Variants in ZNF560 observed in about 807,000 individuals in gnomAD.
ZNF560 encodes zinc finger protein 560.
A neutral mutation model predicts 81.8 loss-of-function variants in ZNF560; 54 were observed. The ratio of observed to expected loss-of-function variants is 0.66; its 90% CI spans 0.53 to 0.83. The LOEUF is 0.83. ZNF560 is among the 40% of genes least tolerant of loss of function. The pLI is 0.00. For missense variants in ZNF560, 940 were observed against 932.4 expected, an observed-to-expected ratio of 1.01 and a Z score of -0.11; for synonymous variants, 321 against 317.9, an observed-to-expected ratio of 1.01 and a Z score of -0.10.
At chr19:9,446,918 A>C in the ZNF560 span, among the ~76,000 whole-genome samples, 2 of 152,076 alleles carry the variant, frequency 1.3e-5, no homozygotes, top group Non-Finnish European at 2.9e-5. Flanking sequence ...GCAGATCACA[A>C]GGTCAGGAGT....
chr19:9,500,953 G>A, upstream of ZNF560, among the ~76,000 whole-genome samples: 1 of 149,366 alleles, frequency 6.7e-6, no homozygotes, highest in African/African-American at 2.5e-5. Flanking sequence ...TGATTCTGTG[G>A]GATTTTTTGT....
At chr19:9,482,938 T>C (rs2073315991) in intron 2 of ZNF560, among the ~76,000 whole-genome samples, 2 of 152,228 alleles carry the variant, frequency 1.3e-5, no homozygotes, top group Admixed American at 6.5e-5. Flanking sequence ...GTGCCGGGAT[T>C]GCAGATGGAG....
chr19:9,493,878 A>G (rs1311745003), intron 2 of ZNF560, among the ~76,000 whole-genome samples: 1 of 152,044 alleles, frequency 6.6e-6, no homozygotes, highest in Non-Finnish European at 1.5e-5. Flanking sequence ...CACACCTGTA[A>G]TCCCAGCACT....
chr19:9,453,195 T>C, the ZNF560 span, among the ~76,000 whole-genome samples: 4 of 152,130 alleles, frequency 2.6e-5, no homozygotes, highest in Non-Finnish European at 5.9e-5. Flanking sequence ...TGAGAGATAA[T>C]GAGAAAGCAG....
chr19:9,470,602 C>T lies in ZNF560; in HGVS notation c.322-84G>A. Reference sequence around the variant, plus strand: ...AAGAATGAGGAAGGGGGACCCAATCCCTGTACAGGGTACTGAGTGCTCCCA... The same window carrying T: ...AAGAATGAGGAAGGGGGACCCAATCTCTGTACAGGGTACTGAGTGCTCCCA... On this transcript the variant is annotated intron_variant, in intron 6 of 9. Transcript: ENST00000301480. The T allele has an allele frequency of 1.9e-6, 3 of 1,600,704 alleles. No individual in the cohort carries two copies. In the South Asian group the frequency reaches 3.3e-5, roughly 18 times the overall value.
At chr19:9,481,082 GAAAA>G (rs60806361) in intron 2 of ZNF560, among the ~76,000 whole-genome samples, 5 of 110,022 alleles carry the variant, frequency 4.5e-5, no homozygotes, top group Non-Finnish European at 7.4e-5. Context: ...GAGATTATCT[GAAAA>G]AAAAAAAAAA....
intron 2 of ZNF560, among the ~76,000 whole-genome samples, chr19:9,492,604 A>G (rs929744972): frequency 6.6e-6 from 1 of 152,114 alleles, no homozygotes; most frequent in Non-Finnish European, 1.5e-5. Flanking sequence ...CTCATCACAC[A>G]CCCCATCACT....
At chr19:9,487,223 G>A (rs992600889) in intron 2 of ZNF560, among the ~76,000 whole-genome samples, 3 of 152,302 alleles carry the variant, frequency 2.0e-5, no homozygotes, top group East Asian at 3.9e-4. Flanking sequence ...CACCCTTTCT[G>A]CAGAAAGTAA....
chr19:9,456,063 C>T, the ZNF560 span, among the ~76,000 whole-genome samples: 10 of 152,342 alleles, frequency 6.6e-5, no homozygotes, highest in African/African-American at 1.7e-4. Flanking sequence ...AACCCGATTT[C>T]GAGAAACGCC....
In ZNF560 at chr19:9,466,975, AT is replaced by A; in HGVS notation, c.1971del (p.Lys657AsnfsTer15). 5 of 1,614,096 alleles carry A rather than the reference AT, an allele frequency of 3.1e-6. No homozygotes were observed. Among genetic ancestry groups the A allele is most frequent in the Non-Finnish European group, 3.4e-6 (4 of 1,180,026 alleles). ...LRTHTGYKPY[K>X]CNACEKAYSR... is the part of the protein sequence containing the mutation. ...CTGTAAGCTTTTTCACATGCATTACATTTATAGGGTTTATATCCAGTGTGAG... is the reference window on the plus strand; with the variant it reads ...CTGTAAGCTTTTTCACATGCATTACATTATAGGGTTTATATCCAGTGTGAG... On this transcript the variant is annotated frameshift_variant, in exon 10 of 10. Coordinates refer to ENST00000301480, the MANE Select transcript of ZNF560 (RefSeq NM_152476.3). LOFTEE classifies it high-confidence loss of function.
At chr19:9,506,028 T>C in the ZNF560 span, among the ~76,000 whole-genome samples, 803 of 152,146 alleles carry the variant, frequency 5.3e-3, 6 homozygotes, top group South Asian at 0.023. Flanking sequence ...CTTCTTGCTC[T>C]GTTGCCCAGG....
Position 9,470,438 on chromosome 19 carries a change from C to A in ZNF560, c.402G>T (p.Leu134=), listed in dbSNP as rs1483268275. The A allele has an allele frequency of 4.3e-6, 7 of 1,613,864 alleles. No homozygotes were observed. Among genetic ancestry groups the A allele is most frequent in the Non-Finnish European group, 5.9e-6 (7 of 1,179,926 alleles). Residue 134 remains leucine (L), a synonymous_variant, in exon 7 of 10, where the codon CTG becomes CTT. Coordinates refer to ENST00000301480, the MANE Select transcript of ZNF560 (RefSeq NM_152476.3). Reference sequence around the variant, plus strand: ...AGTTCTCCAGCATCACATCACTGTACAGGTTTCTCTGAGCTGGGTCCAGTA... The same window carrying A: ...AGTTCTCCAGCATCACATCACTGTAAAGGTTTCTCTGAGCTGGGTCCAGTA... The part of the protein sequence containing the change: ...WTLLDPAQRN[L]YSDVMLENYK...
At chr19:9,455,239 A>G in the ZNF560 span, among the ~76,000 whole-genome samples, 27 of 152,300 alleles carry the variant, frequency 1.8e-4, no homozygotes, top group African/African-American at 5.8e-4. Context: ...ATCAATCAGT[A>G]TGGACCACGT....
chr19:9,462,457 T>C (rs890317020), downstream of ZNF560, among the ~76,000 whole-genome samples: 3 of 152,218 alleles, frequency 2.0e-5, no homozygotes, highest in Non-Finnish European at 4.4e-5. Flanking sequence ...TGTCAATAAA[T>C]AGGTGGGTCA....
chr19:9,488,931 C>CCCCTCG (rs2073426602), intron 2 of ZNF560, among the ~76,000 whole-genome samples: 2 of 152,010 alleles, frequency 1.3e-5, no homozygotes, highest in Non-Finnish European at 1.5e-5. Context: ...ACAGCACCTC[C>CCCCTCG]CCCTCATTCT....
the ZNF560 span, among the ~76,000 whole-genome samples, chr19:9,458,027 T>G: frequency 5.9e-5 from 9 of 152,346 alleles, no homozygotes; most frequent in African/African-American, 2.2e-4. Context: ...CGAGATCTTG[T>G]GGCGTAGCTT....
Position 9,466,575 on chromosome 19 carries a change from T to C in ZNF560, c.2372A>G (p.Ter791TrpextTer7), listed in dbSNP as rs1568448413. The change falls in exon 10 of 10, where the codon TAG (stop) becomes TGG (tryptophan). Residue 791 changes from the stop codon to tryptophan, a stop_lost. Coordinates refer to ENST00000301480, the MANE Select transcript of ZNF560 (RefSeq NM_152476.3). ...TCTTCACATCCACAGGGCTTCTCTC[T>C]AGTGTGTTTTCAAATGTGCAATACG... ...SARIAHLKTH[*>W] is the part of the protein sequence containing the mutation. 4 of 1,588,166 alleles carry C rather than the reference T, an allele frequency of 2.5e-6. No homozygotes were observed. Among genetic ancestry groups the C allele is most frequent in the East Asian group, 2.2e-5 (1 of 44,478 alleles).
chr19:9,493,994 G>C (rs186734284), intron 2 of ZNF560, among the ~76,000 whole-genome samples: 86 of 151,884 alleles, frequency 5.7e-4, no homozygotes, highest in Admixed American at 1.6e-3. Context: ...TTAGCTGGGC[G>C]TGGTGGTGTG....
chr19:9,501,619 C>T (rs12980087), upstream of ZNF560, among the ~76,000 whole-genome samples: 1 of 150,988 alleles, frequency 6.6e-6, no homozygotes, highest in Non-Finnish European at 1.5e-5. Context: ...TCTCAGCCTC[C>T]GAAAGTGCTG....
Sources: allele counts gnomAD v4.1 joint callset (sites outside exome capture counted in the v4.1 genomes callset), GRCh38; gene constraint gnomAD v4.1.1; transcripts MANE v1.5; gene names NCBI Gene and HGNC (gene_info 2026-07-23, HGNC 2026-07-21).